Variants in FLVCR1 observed in about 807,000 individuals in gnomAD.
The protein encoded by FLVCR1 is FLVCR choline and heme transporter 1.
In FLVCR1, 34 loss-of-function variants were observed where a neutral mutation model predicts 53.6. That is an observed-to-expected ratio of 0.63 (90% CI 0.48 to 0.84). FLVCR1 has a LOEUF of 0.84. Among genes scored for constraint, FLVCR1 ranks in the 40% least tolerant of loss-of-function variants. FLVCR1 has a pLI of 0.00. For synonymous variants in FLVCR1, 300 were observed against 286.3 expected, an observed-to-expected ratio of 1.05 and a Z score of -0.48; for missense variants, 677 against 696.7, an observed-to-expected ratio of 0.97 and a Z score of 0.32.
rs552738250 is a variant in FLVCR1 at position 212,865,619 on chromosome 1, C to T, written c.883+1750C>T. 1.7e-4 allele frequency among the ~76,000 whole-genome samples: 25 copies of T among 150,162 alleles called. No individual in the cohort carries two copies. In the South Asian group the frequency reaches 5.3e-3, roughly 32 times the overall value. On this transcript the variant is annotated intron_variant, in intron 2 of 9. Transcript: ENST00000366971. ...TGCCTCAGCCTCCCGAGCAGCTGGG[C>T]TTACAGGCATGCACCACCATGCCAG...
In FLVCR1 at chr1:212,889,279, G is replaced by A. The variant is rs773339703; in HGVS notation, c.1525+22G>A. ...ACAGGTAAATTAGGGCGTTTGCCTG[G>A]CAAAAGGACTTGTGTCATGTGTTAA... is the stretch of plus-strand genomic sequence containing the variant. On this transcript the variant is annotated intron_variant, in intron 8 of 9. Coordinates refer to ENST00000366971, the MANE Select transcript of FLVCR1 (RefSeq NM_014053.4). The A allele has an allele frequency of 7.7e-6, 11 of 1,419,504 alleles. No homozygotes were observed. In the East Asian group the frequency reaches 2.5e-4, roughly 32 times the overall value. 87.9% of individuals were successfully genotyped at this position (1,419,504 alleles called of 1,614,324 possible).
intron 2 of FLVCR1, among the ~76,000 whole-genome samples, chr1:212,871,392 AGTTTTTTGT>A (rs1664591485): frequency 6.6e-6 from 1 of 152,134 alleles, no homozygotes; most frequent in East Asian, 1.9e-4. Context: ...TTCTGTAAAT[AGTTTTTTGT>A]GTTTTTTGTT....
chr1:212,884,379 AGAGT>A (rs1293505486), intron 4 of FLVCR1, among the ~76,000 whole-genome samples: 3 of 152,160 alleles, frequency 2.0e-5, no homozygotes, highest in African/African-American at 7.2e-5. Flanking sequence ...GCCTAGTGAC[AGAGT>A]GAGACTCCAT....
chr1:212,874,503 C>T (rs1272696638), intron 3 of FLVCR1, among the ~76,000 whole-genome samples: 7 of 145,494 alleles, frequency 4.8e-5, no homozygotes, highest in African/African-American at 1.8e-4. Context: ...TTTCTTTTGC[C>T]TGTCATTTAA....
At chr1:212,882,571 A>G (rs1469628942) in intron 3 of FLVCR1, among the ~76,000 whole-genome samples, 1 of 152,216 alleles carries the variant, frequency 6.6e-6, no homozygotes, top group African/African-American at 2.4e-5. Context: ...AATGTTTGCC[A>G]AATCCGGGTG....
intron 1 of FLVCR1, among the ~76,000 whole-genome samples, chr1:212,859,752 T>TA (rs1455320077): frequency 6.6e-6 from 1 of 151,830 alleles, no homozygotes; most frequent in Non-Finnish European, 1.5e-5. Flanking sequence ...ATAATAATAA[T>TA]AATAATAATT....
chr1:212,885,240 C>T, intron 4 of FLVCR1, 53 bp from the exon 5 acceptor site: 1 of 1,191,508 alleles, frequency 8.4e-7, no homozygotes, highest in Non-Finnish European at 1.3e-6. Context: ...TGTGAAGAGT[C>T]TGAATTAGTT....
chr1:212,890,709 T>G lies in FLVCR1; in HGVS notation c.1525+1452T>G, dbSNP rs541916215. On this transcript the variant is annotated intron_variant, in intron 8 of 9. Transcript: ENST00000366971. ...TTCGTTGATCTGGTTATAACTTAGT[T>G]GGAGGATCTGGTTATAACTTAGTTG... Among the ~76,000 whole-genome samples, 234 of 152,306 alleles carry G rather than the reference T, an allele frequency of 1.5e-3. 1 individual carries two copies. Among genetic ancestry groups the G allele is most frequent in the Middle Eastern group, 3.4e-3 (1 of 294 alleles).
Position 212,887,990 on chromosome 1 carries a change from A to T in FLVCR1, c.1296A>T (p.Gly432=), listed in dbSNP as rs1665101154. ...LRYIIIVFVT[G]GVLGFFMTGY... ...ATATTATCATCGTGTTTGTTACTGG[A>T]GGGGTGCTTGGGTAAGTATCAGATG... The change falls in exon 6 of 10, where the codon GGA becomes GGT. Residue 432 remains glycine, a synonymous_variant. Coordinates refer to ENST00000366971, the MANE Select transcript of FLVCR1 (RefSeq NM_014053.4). The T allele has an allele frequency of 6.3e-7, 1 of 1,580,882 alleles. No individual in the cohort carries two copies. Among genetic ancestry groups the T allele is most frequent in the African/African-American group, 1.3e-5 (1 of 74,218 alleles).
intron 2 of FLVCR1, 102 bp downstream of exon 2, chr1:212,863,971 G>T: frequency 2.1e-6 from 2 of 942,676 alleles, no homozygotes; most frequent in Non-Finnish European, 3.4e-6. Context: ...AGTGTCATGT[G>T]CTTTGTTTCA....
At chr1:212,888,690 GTT>G (rs1665118587) in intron 7 of FLVCR1, 96 bp downstream of exon 7, 25 of 1,036,770 alleles carry the variant, frequency 2.4e-5, no homozygotes, top group Non-Finnish European at 3.6e-5. Context: ...TGTTGTTGTT[GTT>G]TTGTTTTTTG....
In FLVCR1 at chr1:212,898,763, T is replaced by C. The variant is rs1665404716; in HGVS notation, c.*3473T>C. 1 of 152,228 alleles carries C rather than the reference T, an allele frequency of 6.6e-6. No individual in the cohort carries two copies. Among genetic ancestry groups the C allele is most frequent in the South Asian group, 2.1e-4 (1 of 4,838 alleles). 9.4% of individuals were successfully genotyped at this position (152,228 alleles called of 1,614,324 possible). A position where few individuals can be genotyped will look rare whatever the true frequency, so the allele number is the denominator to read the frequency against. On this transcript the variant is annotated 3_prime_UTR_variant, in exon 10 of 10. Transcript: ENST00000366971. Reference sequence around the variant, plus strand: ...TTGTGTGAACATCATGAAGTGTACTTACACAAACCTAGGTGGTAGAGCCTA... The same window carrying C: ...TTGTGTGAACATCATGAAGTGTACTCACACAAACCTAGGTGGTAGAGCCTA...
At chr1:212,888,396 A>G in intron 6 of FLVCR1, 93 bp from the exon 7 acceptor site, 2 of 882,244 alleles carry the variant, frequency 2.3e-6, no homozygotes, top group South Asian at 2.7e-5. Flanking sequence ...TTATTTGGTC[A>G]TTAGAATAAG....
chr1:212,870,456 T>C (rs1256569986), intron 2 of FLVCR1, among the ~76,000 whole-genome samples: 4 of 152,210 alleles, frequency 2.6e-5, no homozygotes, highest in Non-Finnish European at 4.4e-5. Context: ...TTAAAACAGT[T>C]TCTTTGGCTT....
chr1:212,871,173 A>G (rs1664584975), intron 2 of FLVCR1, among the ~76,000 whole-genome samples: 3 of 152,290 alleles, frequency 2.0e-5, no homozygotes, highest in African/African-American at 7.2e-5. Context: ...GGCATCTAAC[A>G]TTTGTGGTAA....
intron 8 of FLVCR1, among the ~76,000 whole-genome samples, chr1:212,890,779 T>C (rs1393819260): frequency 2.0e-5 from 3 of 152,216 alleles, no homozygotes; most frequent in African/African-American, 7.2e-5. Context: ...TTCTACTGTT[T>C]GTGGAATACC....
intron 2 of FLVCR1, among the ~76,000 whole-genome samples, chr1:212,865,523 C>G (rs1266952408): frequency 7.5e-6 from 1 of 133,318 alleles, no homozygotes; most frequent in East Asian, 2.4e-4. Flanking sequence ...CGCTCTGTCA[C>G]CCAGGCTGGA....
At chr1:212,870,858 C>A (rs1035341488) in intron 2 of FLVCR1, among the ~76,000 whole-genome samples, 2 of 152,134 alleles carry the variant, frequency 1.3e-5, no homozygotes, top group Admixed American at 6.5e-5. Flanking sequence ...CCTCCACCTC[C>A]TGGGTTTGAG....
chr1:212,870,765 CTTTTTG>C (rs1664571830), intron 2 of FLVCR1, among the ~76,000 whole-genome samples: 1 of 151,640 alleles, frequency 6.6e-6, no homozygotes, highest in Admixed American at 6.6e-5. Flanking sequence ...CTTTCTGTTT[CTTTTTG>C]TTTGTTTTGT....
Sources: allele counts gnomAD v4.1 joint callset (sites outside exome capture counted in the v4.1 genomes callset), GRCh38; gene constraint gnomAD v4.1.1; transcripts MANE v1.5; gene names NCBI Gene and HGNC (gene_info 2026-07-23, HGNC 2026-07-21).